The following KANSL3 variants were observed in gnomAD, a reference collection of about 807,000 sequenced individuals.
The protein encoded by KANSL3 is KAT8 regulatory NSL complex subunit 3.
KANSL3 carries 16 observed loss-of-function variants against 89.2 expected under a neutral mutation model. The ratio of observed to expected loss-of-function variants is 0.18; its 90% CI spans 0.12 to 0.27. The LOEUF (loss-of-function observed/expected upper bound fraction) is 0.27. Ranked by LOEUF, KANSL3 falls within the 10% of genes least tolerant of loss-of-function variation. The pLI, the probability that KANSL3 is intolerant of heterozygous loss-of-function variation, is 1.00. For missense variants in KANSL3, 879 were observed against 1,110.6 expected (o/e 0.79, Z 2.96); for synonymous variants, 385 against 419.7 (o/e 0.92, Z 1.01).
chr2:96,601,757 G>C lies in KANSL3; in HGVS notation c.2502C>G (p.Thr834=), dbSNP rs763998928. Residue 834 remains threonine, a synonymous_variant, in exon 20 of 21, where the codon ACC becomes ACG. Transcript: ENST00000431828. ...GCTGGCCACGAAGTGTCAGAGTAAT[G>C]GTGGTGGGGACCTTCAAGCCTGAGA... ...NQASGLKVPT[T]ITLTLRGQPS... 1 of 1,579,770 alleles carries C rather than the reference G, an allele frequency of 6.3e-7. No individual in the cohort carries two copies. The highest frequency in any genetic ancestry group is 8.6e-7 in the Non-Finnish European group (1 of 1,164,708).
intron 2 of KANSL3, among the ~76,000 whole-genome samples, chr2:96,635,584 G>A (rs1573683461): frequency 6.6e-6 from 1 of 152,318 alleles, no homozygotes; most frequent in South Asian, 2.1e-4. Context: ...TCAAGATTAT[G>A]CTAAATTATT....
chr2:96,609,950 C>CAAAAAAAAAAA lies in KANSL3; in HGVS notation c.1320-399_1320-389dup. On this transcript the variant is annotated intron_variant, in intron 11 of 20. Coordinates refer to ENST00000431828, the MANE Select transcript of KANSL3 (RefSeq NM_001115016.3). ...TAGGCGACAGAGCCAGGCGCCACCT[C>CAAAAAAAAAAA]AAAAAAAAAAAAAAAAAAAAAAAAA... 6.0e-4 allele frequency among the ~76,000 whole-genome samples: 13 copies of CAAAAAAAAAAA among 21,614 alleles called. 5 individuals carry two copies. Among genetic ancestry groups the CAAAAAAAAAAA allele is most frequent in the Admixed American group, 1.9e-3 (2 of 1,050 alleles). 14.2% of individuals were successfully genotyped at this position (21,614 alleles called of 152,430 possible).
In KANSL3 at chr2:96,595,328, C is replaced by T. The variant is rs944282555; in HGVS notation, c.*283G>A. The T allele has an allele frequency of 2.3e-5, 9 of 395,490 alleles. No individual in the cohort carries two copies. Among genetic ancestry groups the T allele is most frequent in the East Asian group, 8.5e-5 (2 of 23,600 alleles). The allele number at this position is 395,490 out of a possible 1,614,324, so 24.5% of individuals were successfully genotyped here. ...CCCTTGGGTCAAACCACAGCTTAAG[C>T]GGGGGAAGAAGTGGTTCTGATCCAT... On this transcript the variant is annotated 3_prime_UTR_variant, in exon 21 of 21. Transcript: ENST00000431828.
At chr2:96,591,453 A>G (rs1203876481), downstream of KANSL3, among the ~76,000 whole-genome samples, 2 of 152,194 alleles carry the variant, frequency 1.3e-5, no homozygotes, top group African/African-American at 4.8e-5. Context: ...ATACACACAC[A>G]TTGTACCAAC....
At chr2:96,633,243 G>A (rs1169110721) in intron 2 of KANSL3, among the ~76,000 whole-genome samples, 1 of 151,360 alleles carries the variant, frequency 6.6e-6, no homozygotes, top group Non-Finnish European at 1.5e-5. Context: ...GGGTGACAGA[G>A]ACCTCGGCCC....
chr2:96,604,999 A>G, intron 15 of KANSL3, 136 bp from the exon 16 acceptor site: 1 of 694,238 alleles, frequency 1.4e-6, no homozygotes, highest in South Asian at 2.1e-5. Context: ...ATGCTAGAGT[A>G]GGGAGAGTTG....
Position 96,619,536 on chromosome 2 carries a change from A to G in KANSL3, c.486T>C (p.Asn162=), listed in dbSNP as rs748473841. 13 of 1,613,270 alleles carry G rather than the reference A, an allele frequency of 8.1e-6. No homozygotes were observed. In the East Asian group the frequency reaches 2.9e-4, roughly 36 times the overall value. The part of the protein sequence containing the change: ...LARLANEGAC[N]EPVLRRVAVD... ...CAGCAACACGGCGCAGCACTGGCTCATTACAAGCCTGAAGGATGTAAGTGG... is the reference window on the plus strand; with the variant it reads ...CAGCAACACGGCGCAGCACTGGCTCGTTACAAGCCTGAAGGATGTAAGTGG... The change falls in exon 5 of 21, where the codon AAT becomes AAC. Residue 162 remains asparagine, a synonymous_variant. Transcript: ENST00000431828.
At chr2:96,604,949 A>G (rs1200510127) in intron 15 of KANSL3, 86 bp from the exon 16 acceptor site, 1 of 1,096,106 alleles carries the variant, frequency 9.1e-7, no homozygotes, top group Non-Finnish European at 1.3e-6. Flanking sequence ...TAAATGCAAG[A>G]TATTACGGAC....
At position 96,595,556 on chromosome 2, in the gene KANSL3, C is replaced by T; in HGVS notation, c.*55G>A. 5 of 1,605,068 alleles carry T rather than the reference C, an allele frequency of 3.1e-6. No individual in the cohort carries two copies. The highest frequency in any genetic ancestry group is 4.3e-6 in the Non-Finnish European group (5 of 1,172,778). ...GCAGGACCACACACCTGTCCAGGGC[C>T]CACCATGAGGCAGCCATCACCAACT... On this transcript the variant is annotated 3_prime_UTR_variant, in exon 21 of 21. Transcript: ENST00000431828.
chr2:96,604,478 A>G (rs567448311), intron 16 of KANSL3, 98 bp from the exon 17 acceptor site: 34 of 1,398,112 alleles, frequency 2.4e-5, no homozygotes, highest in Non-Finnish European at 2.7e-5. Context: ...CAAGGCTTTC[A>G]GCAGCAGACA....
the KANSL3 span, among the ~76,000 whole-genome samples, chr2:96,587,020 C>A: frequency 2.0e-5 from 3 of 152,190 alleles, no homozygotes; most frequent in African/African-American, 7.2e-5. Context: ...ATATTAGTCA[C>A]ATATTAACTT....
intron 3 of KANSL3, among the ~76,000 whole-genome samples, chr2:96,627,379 A>G (rs749487539): frequency 6.6e-6 from 1 of 151,922 alleles, no homozygotes; most frequent in Non-Finnish European, 1.5e-5. Context: ...CACACCAGCT[A>G]ATTTTTACTA....
chr2:96,606,920 T>C (rs759270607), intron 14 of KANSL3: 48 of 1,031,092 alleles, frequency 4.7e-5, no homozygotes, highest in Non-Finnish European at 5.4e-5. Flanking sequence ...AAATAAGGGG[T>C]TGAGGAGCAG....
intron 4 of KANSL3, 49 bp from the exon 5 acceptor site, chr2:96,619,593 C>T (rs2070860009): frequency 6.2e-7 from 1 of 1,605,998 alleles, no homozygotes; most frequent in Non-Finnish European, 8.5e-7. Flanking sequence ...ACCTGGTTAA[C>T]AAGCAGGGGG....
Sources: allele counts gnomAD v4.1 joint callset (sites outside exome capture counted in the v4.1 genomes callset), GRCh38; gene constraint gnomAD v4.1.1; transcripts MANE v1.5; gene names NCBI Gene and HGNC (gene_info 2026-07-23, HGNC 2026-07-21).